SENP7: variants seen among roughly 807,000 people sequenced by gnomAD.
The protein encoded by SENP7 is sentrin-specific protease 7.
A neutral mutation model predicts 141.2 loss-of-function variants in SENP7; 64 were observed. That is an observed-to-expected ratio of 0.45 (90% CI 0.37 to 0.56). The LOEUF (loss-of-function observed/expected upper bound fraction) is 0.56, where lower values mean the gene tolerates loss of function less well. Ranked by LOEUF, SENP7 falls within the 20% of genes least tolerant of loss-of-function variation. SENP7 has a pLI of 0.00. For synonymous variants in SENP7, 382 were observed against 426.4 expected (o/e 0.90, Z 1.28); for missense variants, 1,025 against 1,212.2 (o/e 0.85, Z 2.29).
chr3:101,449,349 C>A (rs991990432), intron 4 of SENP7, among the ~76,000 whole-genome samples: 1 of 152,116 alleles, frequency 6.6e-6, no homozygotes, highest in Non-Finnish European at 1.5e-5. Flanking sequence ...GGCCAACATT[C>A]AAATTCAGGA....
At chr3:101,494,479 C>A (rs939499138) in intron 2 of SENP7, among the ~76,000 whole-genome samples, 1 of 152,040 alleles carries the variant, frequency 6.6e-6, no homozygotes, top group Non-Finnish European at 1.5e-5. Flanking sequence ...ATACTCTTCC[C>A]ACAATCTAGA....
chr3:101,358,047 C>A, intron 11 of SENP7: 1 of 653,778 alleles, frequency 1.5e-6, no homozygotes. Context: ...TTCATTTCAT[C>A]CTCAACCCTT....
At position 101,414,254 on chromosome 3, in the gene SENP7, T is replaced by C. The variant is rs1576274996; in HGVS notation, c.482+3339A>G. The C allele has an allele frequency of 1.6e-5, 11 of 667,918 alleles. No individual in the cohort carries two copies. The South Asian group carries it at 1.9e-4, about 12-fold the overall frequency. The allele number at this position is 667,918 out of a possible 1,614,324, so 41.4% of individuals were successfully genotyped here. A position where few individuals can be genotyped will look rare whatever the true frequency, so the allele number is the denominator to read the frequency against. ...TACAGCAGCTGCAGGTGACGAGTGGTAGAATCGATGGTGAAGAGTCTGGAG... is the reference window on the plus strand; with the variant it reads ...TACAGCAGCTGCAGGTGACGAGTGGCAGAATCGATGGTGAAGAGTCTGGAG... On this transcript the variant is annotated intron_variant, in intron 5 of 23. Coordinates refer to ENST00000394095, the MANE Select transcript of SENP7 (RefSeq NM_020654.5).
At chr3:101,465,988 A>G (rs1428075969) in intron 3 of SENP7, among the ~76,000 whole-genome samples, 1 of 152,186 alleles carries the variant, frequency 6.6e-6, no homozygotes, top group African/African-American at 2.4e-5. Context: ...AATGAAATAT[A>G]AAATACAGTT....
At chr3:101,427,342 T>G (rs1199839576) in intron 4 of SENP7, among the ~76,000 whole-genome samples, 1 of 151,806 alleles carries the variant, frequency 6.6e-6, no homozygotes, top group Non-Finnish European at 1.5e-5. Context: ...TACAAAAAAC[T>G]ACCCGGGAGT....
chr3:101,372,602 A>G (rs2060211695), intron 6 of SENP7, among the ~76,000 whole-genome samples: 2 of 152,108 alleles, frequency 1.3e-5, no homozygotes, highest in Admixed American at 1.3e-4. Flanking sequence ...AAAATAATTT[A>G]AAGTCTAAGG....
At chr3:101,385,710 G>C (rs1002894026) in intron 6 of SENP7, among the ~76,000 whole-genome samples, 10 of 152,112 alleles carry the variant, frequency 6.6e-5, no homozygotes, top group South Asian at 2.1e-4. Flanking sequence ...TCAGAGCAAA[G>C]GCAGCAGCCC....
intron 4 of SENP7, among the ~76,000 whole-genome samples, chr3:101,437,323 T>C (rs188320037): frequency 4.1e-4 from 62 of 152,262 alleles, no homozygotes; most frequent in African/African-American, 1.4e-3. Flanking sequence ...TAGAGTAATA[T>C]AGTCAATATT....
At chr3:101,407,036 T>C (rs182039374) in intron 5 of SENP7, among the ~76,000 whole-genome samples, 23 of 152,268 alleles carry the variant, frequency 1.5e-4, no homozygotes, top group Non-Finnish European at 2.4e-4. Context: ...AATTCGCCAT[T>C]ACCAAGCACT....
intron 4 of SENP7, among the ~76,000 whole-genome samples, chr3:101,442,162 A>T (rs2062700644): frequency 6.6e-6 from 1 of 152,254 alleles, no homozygotes; most frequent in African/African-American, 2.4e-5. Flanking sequence ...CTCCAAAAAA[A>T]TACAATAATT....
intron 5 of SENP7, among the ~76,000 whole-genome samples, chr3:101,409,488 A>T (rs750635168): frequency 7.2e-5 from 11 of 152,208 alleles, no homozygotes; most frequent in Non-Finnish European, 1.5e-4. Context: ...CCAAAGCAAG[A>T]CTAAGCAAAG....
chr3:101,366,288 C>G (rs1386716557), intron 9 of SENP7, 142 bp downstream of exon 9: 1 of 499,588 alleles, frequency 2.0e-6, no homozygotes, highest in Admixed American at 3.9e-5. Flanking sequence ...AAACCCCAAG[C>G]CCTTTTTTCC....
At chr3:101,398,749 T>A in intron 6 of SENP7, 112 bp downstream of exon 6, 1 of 761,442 alleles carries the variant, frequency 1.3e-6, no homozygotes. Context: ...TAATACCAGC[T>A]ATCAGAGCAC....
intron 4 of SENP7, among the ~76,000 whole-genome samples, chr3:101,450,423 C>T (rs1160546078): frequency 6.6e-6 from 1 of 152,182 alleles, no homozygotes; most frequent in Non-Finnish European, 1.5e-5. Flanking sequence ...CTTCTCAGCA[C>T]CACACCGCAC....
At chr3:101,340,016 A>G (rs1201929213) in intron 16 of SENP7, 79 bp downstream of exon 16, 3 of 1,440,510 alleles carry the variant, frequency 2.1e-6, no homozygotes, top group Non-Finnish European at 2.7e-6. Context: ...ATTTAAAATA[A>G]TTCAGAGATA....
At chr3:101,334,408 T>C (rs1039118612) in intron 17 of SENP7, among the ~76,000 whole-genome samples, 1 of 152,030 alleles carries the variant, frequency 6.6e-6, no homozygotes, top group African/African-American at 2.4e-5. Context: ...GGAACTCTTA[T>C]TGCAGGAAAA....
intron 6 of SENP7, among the ~76,000 whole-genome samples, chr3:101,397,209 G>A (rs1255850649): frequency 2.6e-5 from 4 of 152,088 alleles, no homozygotes; most frequent in Non-Finnish European, 1.5e-5. Flanking sequence ...ATAGCTCACT[G>A]CAATCTTGAA....
intron 13 of SENP7, among the ~76,000 whole-genome samples, chr3:101,345,074 T>C (rs1023162790): frequency 6.6e-6 from 1 of 151,218 alleles, no homozygotes; most frequent in Non-Finnish European, 1.5e-5. Context: ...ATTGGTCTAT[T>C]TGCCTATTTT....
At chr3:101,436,215 T>A (rs2062382216) in intron 4 of SENP7, among the ~76,000 whole-genome samples, 1 of 152,134 alleles carries the variant, frequency 6.6e-6, no homozygotes, top group African/African-American at 2.4e-5. Context: ...AAACTGAATA[T>A]TGATAGGCAA....
Sources: gnomAD v4.1 joint callset for allele counts (sites outside exome capture counted in the v4.1 genomes callset) on GRCh38, gnomAD v4.1.1 for gene constraint, MANE v1.5 for transcripts, NCBI Gene and HGNC (gene_info 2026-07-23, HGNC 2026-07-21) for gene names.